The following TMEM43 variants were observed in gnomAD, a reference collection of about 807,000 sequenced individuals.
TMEM43 encodes the protein arrhythmogenic right ventricular dysplasia 5.
TMEM43 carries 45 observed loss-of-function variants against 49.6 expected under a neutral mutation model. The ratio of observed to expected loss-of-function variants is 0.91; its 90% CI spans 0.71 to 1.16. The LOEUF (loss-of-function observed/expected upper bound fraction) is 1.16, where lower values mean the gene tolerates loss of function less well. Among genes scored for constraint, TMEM43 ranks in the 50% most tolerant of loss-of-function variants. The pLI, the probability that TMEM43 is intolerant of heterozygous loss-of-function variation, is 0.00. For missense variants in TMEM43, 532 were observed against 516.6 expected (o/e 1.03, Z -0.29); for synonymous variants, 199 against 207.8 (o/e 0.96, Z 0.36).
At chr3:14,140,456 G>A (rs1695232334) in intron 11 of TMEM43, among the ~76,000 whole-genome samples, 1 of 152,130 alleles carries the variant, frequency 6.6e-6, no homozygotes, top group Non-Finnish European at 1.5e-5. Flanking sequence ...GGGAGAGTTG[G>A]GAGCGCAGCA....
chr3:14,127,131 CGTGT>C (rs150040143), intron 1 of TMEM43, among the ~76,000 whole-genome samples: 1 of 151,688 alleles, frequency 6.6e-6, no homozygotes, highest in East Asian at 1.9e-4. Context: ...TCTGTGTGTG[CGTGT>C]GTGTGTGTGT....
intron 3 of TMEM43, 77 bp from the exon 4 acceptor site, chr3:14,131,503 C>T: frequency 8.2e-7 from 1 of 1,219,608 alleles, no homozygotes. Flanking sequence ...TCCAGTCCAG[C>T]TTCCCCTGAG....
At chr3:14,133,585 T>G (rs1695127002) in intron 6 of TMEM43, among the ~76,000 whole-genome samples, 154 bp from the exon 7 acceptor site, 1 of 152,024 alleles carries the variant, frequency 6.6e-6, no homozygotes, top group Admixed American at 6.6e-5. Context: ...ACAGGGCCCC[T>G]GGGGGTGGAC....
Position 14,142,154 on chromosome 3 carries a change from A to G in TMEM43, c.*359A>G, listed in dbSNP as rs1695258852. 15 of 340,424 alleles carry G rather than the reference A, an allele frequency of 4.4e-5. No homozygotes were observed. The highest frequency in any genetic ancestry group is 4.2e-4 in the South Asian group (15 of 35,448). 21.1% of individuals were successfully genotyped at this position (340,424 alleles called of 1,614,324 possible). On this transcript the variant is annotated 3_prime_UTR_variant, in exon 12 of 12. Transcript: ENST00000306077. ...ACGCTCTACGGAGGCCTGCTGATAA[A>G]GGGCTCAGCCTTGCCGTGTGCTGCT...
At chr3:14,132,988 CCAGCCTCAGTTTCTT>C (rs1380014743) in intron 6 of TMEM43, 53 bp downstream of exon 6, 21 of 1,422,880 alleles carry the variant, frequency 1.5e-5, no homozygotes, top group Non-Finnish European at 2.1e-5. Flanking sequence ...TGGCAGGTCT[CCAGCCTCAGTTTCTT>C]CATCTGAATA....
Position 14,143,626 on chromosome 3 carries a change from T to C in TMEM43, c.*1831T>C, listed in dbSNP as rs1174604569. The C allele has an allele frequency of 6.6e-6, 1 of 152,210 alleles. No homozygotes were observed. Among genetic ancestry groups the C allele is most frequent in the East Asian group, 1.9e-4 (1 of 5,202 alleles). The allele number at this position is 152,210 out of a possible 1,614,324, so 9.4% of individuals were successfully genotyped here. A position where few individuals can be genotyped will look rare whatever the true frequency, so the allele number is the denominator to read the frequency against. On this transcript the variant is annotated 3_prime_UTR_variant, in exon 12 of 12. Coordinates refer to ENST00000306077, the MANE Select transcript of TMEM43 (RefSeq NM_024334.3). ...ATTTGAAAGCTTTGGAAAACCAAAT[T>C]TGTAATATCATTGTATTTTTTATTA...
rs540270759 is a variant in TMEM43, at chr3:14,139,040, A to C, written c.883-140A>C. ...GGGCAGAAGGACTTAGCCCTATAGG[A>C]GGCTTGCCCCCACTCCGTCTGGCCT... is the stretch of plus-strand genomic sequence containing the variant. On this transcript the variant is annotated intron_variant, in intron 10 of 11. Coordinates refer to ENST00000306077, the MANE Select transcript of TMEM43 (RefSeq NM_024334.3). 61 of 711,660 alleles carry C rather than the reference A, an allele frequency of 8.6e-5. No individual in the cohort carries two copies. The African/African-American group carries it at 8.7e-4, about 10-fold the overall frequency. The allele number at this position is 711,660 out of a possible 1,614,324, so 44.1% of individuals were successfully genotyped here. A position where few individuals can be genotyped will look rare whatever the true frequency, so the allele number is the denominator to read the frequency against.
At chr3:14,138,695 G>A (rs1391670413) in intron 10 of TMEM43, among the ~76,000 whole-genome samples, 2 of 152,240 alleles carry the variant, frequency 1.3e-5, no homozygotes, top group Non-Finnish European at 2.9e-5. Context: ...TGTCCGGGGA[G>A]AGAGTATGGA....
intron 7 of TMEM43, 142 bp from the exon 8 acceptor site, chr3:14,134,628 C>G: frequency 8.8e-7 from 1 of 1,133,188 alleles, no homozygotes; most frequent in East Asian, 2.4e-5. Context: ...GTGGACGAGA[C>G]AGAGTCAGAA....
Position 14,125,080 on chromosome 3 carries a change from C to G in TMEM43, c.-114C>G. On this transcript the variant is annotated 5_prime_UTR_variant, in exon 1 of 12. Coordinates refer to ENST00000306077, the MANE Select transcript of TMEM43 (RefSeq NM_024334.3). Reference sequence around the variant, plus strand: ...GTAAGTCCCGCTTGGCCCTGGAGTCCACGCGGATTTTCGAAGCTGGGGCTG... The same window carrying G: ...GTAAGTCCCGCTTGGCCCTGGAGTCGACGCGGATTTTCGAAGCTGGGGCTG... The G allele has an allele frequency of 7.1e-7, 1 of 1,400,056 alleles. No individual in the cohort carries two copies. The highest frequency in any genetic ancestry group is 9.9e-7 in the Non-Finnish European group (1 of 1,009,638). 86.7% of individuals were successfully genotyped at this position (1,400,056 alleles called of 1,614,324 possible). A position where few individuals can be genotyped will look rare whatever the true frequency, so the allele number is the denominator to read the frequency against.
chr3:14,125,967 C>G lies in TMEM43; in HGVS notation c.12+762C>G, dbSNP rs138365853. ...GGAGAAGCTGGTGACTCACCTCTCC[C>G]CTCCTCTGTGAAAGTGCTTCTAGGG... On this transcript the variant is annotated intron_variant, in intron 1 of 11. Coordinates refer to ENST00000306077, the MANE Select transcript of TMEM43 (RefSeq NM_024334.3). Among the ~76,000 whole-genome samples the G allele has an allele frequency of 1.1e-3, 167 of 152,300 alleles. 1 individual carries two copies. The highest frequency in any genetic ancestry group is 3.6e-3 in the African/African-American group (149 of 41,558).
In TMEM43 at chr3:14,142,613, G is replaced by C. The variant is rs141247533; in HGVS notation, c.*818G>C. The stretch of plus-strand genomic sequence containing the variant: ...AGACTGTTACAGGAAACACCCTTTA[G>C]TCTGTCAGTTGAATTCAGAGCACTG... On this transcript the variant is annotated 3_prime_UTR_variant, in exon 12 of 12. Transcript: ENST00000306077. 6.5e-6 allele frequency: 1 copy of C among 152,756 alleles called. No homozygotes were observed. The highest frequency in any genetic ancestry group is 1.9e-4 in the East Asian group (1 of 5,186). 9.5% of individuals were successfully genotyped at this position (152,756 alleles called of 1,614,324 possible). A position where few individuals can be genotyped will look rare whatever the true frequency, so the allele number is the denominator to read the frequency against.
intron 1 of TMEM43, among the ~76,000 whole-genome samples, chr3:14,126,779 C>T (rs1044831156): frequency 1.3e-5 from 2 of 152,126 alleles, no homozygotes; most frequent in African/African-American, 4.8e-5. Flanking sequence ...TTGATTCATC[C>T]AGTAGCTGAG....
chr3:14,127,051 C>G (rs1470486935), intron 1 of TMEM43, among the ~76,000 whole-genome samples: 1 of 152,168 alleles, frequency 6.6e-6, no homozygotes, highest in African/African-American at 2.4e-5. Context: ...CTGTTCCCAC[C>G]ACTCATTGCT....
chr3:14,136,230 G>A (rs533149317), intron 10 of TMEM43, among the ~76,000 whole-genome samples: 8 of 152,318 alleles, frequency 5.3e-5, no homozygotes, highest in East Asian at 1.9e-4. Context: ...AATGCAACCC[G>A]TCACATGGGG....
At chr3:14,130,988 T>G (rs1470957892) in intron 3 of TMEM43, 32 bp downstream of exon 3, 1 of 1,597,902 alleles carries the variant, frequency 6.3e-7, no homozygotes, top group East Asian at 2.2e-5. Flanking sequence ...GACCTGCCAG[T>G]GGCTCGGGGC....
chr3:14,125,507 C>T (rs996008332), intron 1 of TMEM43, among the ~76,000 whole-genome samples: 3 of 152,236 alleles, frequency 2.0e-5, no homozygotes, highest in African/African-American at 4.8e-5. Context: ...GCGGCCCCTC[C>T]TTGCATTCCC....
At position 14,142,717 on chromosome 3, in the gene TMEM43, A is replaced by AATG. The variant is rs1188098092; in HGVS notation, c.*923_*925dup. 1 of 152,662 alleles carries AATG rather than the reference A, an allele frequency of 6.6e-6. No homozygotes were observed. The highest frequency in any genetic ancestry group is 2.4e-5 in the African/African-American group (1 of 41,454). 9.5% of individuals were successfully genotyped at this position (152,662 alleles called of 1,614,324 possible). A position where few individuals can be genotyped will look rare whatever the true frequency, so the allele number is the denominator to read the frequency against. The stretch of plus-strand genomic sequence containing the variant: ...ATTTTGTGTCACTGAGAAGCTTTAC[A>AATG]ATGGATGCTTTTGAAACAAGTATCA... On this transcript the variant is annotated 3_prime_UTR_variant, in exon 12 of 12. Coordinates refer to ENST00000306077, the MANE Select transcript of TMEM43 (RefSeq NM_024334.3).
chr3:14,129,805 T>C (rs1695068924), intron 2 of TMEM43, among the ~76,000 whole-genome samples: 1 of 152,206 alleles, frequency 6.6e-6, no homozygotes, highest in Non-Finnish European at 1.5e-5. Context: ...TCAGGCGTAG[T>C]TGGATCCAGG....
Sources: gnomAD v4.1 joint callset for allele counts (sites outside exome capture counted in the v4.1 genomes callset) on GRCh38, gnomAD v4.1.1 for gene constraint, MANE v1.5 for transcripts, NCBI Gene and HGNC (gene_info 2026-07-23, HGNC 2026-07-21) for gene names.